Variants in PADI1 observed in about 807,000 individuals in gnomAD.
PADI1 encodes the protein peptidyl arginine deiminase 1.
Under a neutral mutation model 74.8 loss-of-function variants are expected in PADI1, and 65 were observed. That is an observed-to-expected ratio of 0.87 (90% CI 0.71 to 1.07). PADI1 has a LOEUF of 1.07. Among genes scored for constraint, PADI1 ranks in the 50% least tolerant of loss-of-function variants. PADI1 has a pLI of 0.00. For missense variants in PADI1, 943 were observed against 854.0 expected (o/e 1.10, Z -1.30); for synonymous variants, 371 against 336.2 (o/e 1.10, Z -1.13).
At position 17,237,185 on chromosome 1, in the gene PADI1, C is replaced by T. The variant is rs1400945118; in HGVS notation, c.1314-129C>T. ...TCTCTGCTGTCTTGGCTTCTCCACG[C>T]TCTACGCCCCACGTTTAAAGCGTTC... On this transcript the variant is annotated intron_variant, in intron 11 of 15. Coordinates refer to ENST00000375471, the MANE Select transcript of PADI1 (RefSeq NM_013358.3). 3 of 1,070,832 alleles carry T rather than the reference C, an allele frequency of 2.8e-6. No homozygotes were observed. In the East Asian group the frequency reaches 7.3e-5, roughly 26 times the overall value. 66.3% of individuals were successfully genotyped at this position (1,070,832 alleles called of 1,614,324 possible).
chr1:17,231,925 TA>T (rs957537656), intron 10 of PADI1, among the ~76,000 whole-genome samples: 1 of 145,118 alleles, frequency 6.9e-6, no homozygotes, highest in Non-Finnish European at 1.5e-5. Flanking sequence ...TTTCTCTTCC[TA>T]AAAAAAACAC....
chr1:17,221,227 C>T (rs114802760), intron 1 of PADI1, among the ~76,000 whole-genome samples: 3,065 of 152,274 alleles, frequency 0.02, 106 homozygotes, highest in African/African-American at 0.068. Context: ...CATTCATTCA[C>T]ACGTGTTTAT....
At position 17,209,977 on chromosome 1, in the gene PADI1, C is replaced by G. The variant is rs1355940681; in HGVS notation, c.92+4668C>G. ...GTGATTCTCCTGCACTCCTCTGCCC[C>G]CCAAGTAGCTGGGATTACAGTTATG... is the stretch of plus-strand genomic sequence containing the variant. On this transcript the variant is annotated intron_variant, in intron 1 of 15. Transcript: ENST00000375471. Among the ~76,000 whole-genome samples the G allele has an allele frequency of 8.5e-5, 13 of 152,088 alleles. No homozygotes were observed. The East Asian group carries it at 2.3e-3, about 27-fold the overall frequency.
chr1:17,205,972 T>G (rs998778094), intron 1 of PADI1, among the ~76,000 whole-genome samples: 1 of 152,224 alleles, frequency 6.6e-6, no homozygotes, highest in African/African-American at 2.4e-5. Flanking sequence ...TAGCATTTGC[T>G]TCTCCTGTTG....
At chr1:17,212,552 A>G (rs1157400806) in intron 1 of PADI1, among the ~76,000 whole-genome samples, 2 of 152,156 alleles carry the variant, frequency 1.3e-5, no homozygotes, top group Non-Finnish European at 2.9e-5. Context: ...CCTAGAGACC[A>G]GGTGGTACAT....
intron 12 of PADI1, 142 bp from the exon 13 acceptor site, chr1:17,238,474 C>A: frequency 2.4e-6 from 1 of 418,746 alleles, no homozygotes; most frequent in Non-Finnish European, 4.3e-6. Context: ...GAGTTGCAGA[C>A]AGTGCTTTGT....
chr1:17,232,943 G>A lies in PADI1; in HGVS notation c.1286G>A (p.Arg429Gln), dbSNP rs191318271. The A allele has an allele frequency of 8.4e-5, 136 of 1,609,692 alleles. No individual in the cohort carries two copies. The East Asian group carries it at 2.5e-3, about 29-fold the overall frequency. Residue 429 changes from arginine to glutamine, a missense_variant, in exon 11 of 16, where the codon CGG becomes CAG. Transcript: ENST00000375471. ...GGCGGCACGGAATACCCCCTGGGCCGGATCCTCATCGGGAGCAGCTTCCCC... is the reference window on the plus strand; with the variant it reads ...GGCGGCACGGAATACCCCCTGGGCCAGATCCTCATCGGGAGCAGCTTCCCC... ...TVGGTEYPLG[R>Q]ILIGSSFPKS...
intron 1 of PADI1, among the ~76,000 whole-genome samples, chr1:17,207,503 G>A (rs993114278): frequency 1.1e-4 from 16 of 152,220 alleles, no homozygotes; most frequent in African/African-American, 2.9e-4. Flanking sequence ...CCCTTGCGCC[G>A]TGGGTGCCCT....
chr1:17,225,961 G>T, intron 5 of PADI1, 33 bp downstream of exon 5: 1 of 1,612,002 alleles, frequency 6.2e-7, no homozygotes, highest in African/African-American at 1.3e-5. Flanking sequence ...TGGGGAGTGG[G>T]GAAGGGGGAT....
intron 11 of PADI1, among the ~76,000 whole-genome samples, chr1:17,235,501 C>T (rs2072620580): frequency 6.6e-6 from 1 of 152,134 alleles, no homozygotes; most frequent in Non-Finnish European, 1.5e-5. Flanking sequence ...GGACAGAGTT[C>T]AGGGAGAAAC....
chr1:17,210,144 TTTTTATTTTA>T (rs749851324), intron 1 of PADI1, among the ~76,000 whole-genome samples: 15 of 151,990 alleles, frequency 9.9e-5, no homozygotes, highest in Admixed American at 3.3e-4. Flanking sequence ...CCTGCCTAAG[TTTTTATTTTA>T]TTTTATTTTA....
chr1:17,242,324 C>T (rs185953585), intron 15 of PADI1, among the ~76,000 whole-genome samples: 25 of 152,334 alleles, frequency 1.6e-4, no homozygotes, highest in Admixed American at 1.6e-3. Context: ...TGTTCCATAT[C>T]GGTACAATAC....
rs2072188635 is a variant in PADI1, at chr1:17,222,577, C to T, written c.273+107C>T. Reference sequence around the variant, plus strand: ...TTCCAAAGCTCCCCACTTAACCAAACCTCACAAAGCTTATCACAGTACATA... The same window carrying T: ...TTCCAAAGCTCCCCACTTAACCAAATCTCACAAAGCTTATCACAGTACATA... On this transcript the variant is annotated intron_variant, in intron 2 of 15. Coordinates refer to ENST00000375471, the MANE Select transcript of PADI1 (RefSeq NM_013358.3). The T allele has an allele frequency of 9.5e-6, 8 of 843,714 alleles. No homozygotes were observed. The South Asian group carries it at 1.1e-4, about 11-fold the overall frequency. 52.3% of individuals were successfully genotyped at this position (843,714 alleles called of 1,614,324 possible). A position where few individuals can be genotyped will look rare whatever the true frequency, so the allele number is the denominator to read the frequency against.
chr1:17,214,991 C>T (rs757542557), intron 1 of PADI1, among the ~76,000 whole-genome samples: 6 of 152,198 alleles, frequency 3.9e-5, no homozygotes, highest in Admixed American at 6.5e-5. Context: ...GGGTACCTGC[C>T]GCTCTTCTGT....
At chr1:17,243,108 G>A (rs769963357) in intron 15 of PADI1, among the ~76,000 whole-genome samples, 41 of 152,274 alleles carry the variant, frequency 2.7e-4, no homozygotes, top group Middle Eastern at 3.4e-3. Context: ...GCCCAGAGCC[G>A]CCCTCTAGAG....
chr1:17,240,785 G>A (rs1447936764), intron 15 of PADI1, 25 bp downstream of exon 15: 1 of 1,609,738 alleles, frequency 6.2e-7, no homozygotes, highest in Admixed American at 1.7e-5. Flanking sequence ...GCAGGGTCCT[G>A]CTGGGGGGTC....
At chr1:17,240,516 G>T (rs2072752443) in intron 14 of PADI1, 119 bp from the exon 15 acceptor site, 8 of 1,108,556 alleles carry the variant, frequency 7.2e-6, no homozygotes, top group Non-Finnish European at 1.0e-5. Context: ...CAAAGCTGTT[G>T]TGAGGCTTGA....
chr1:17,210,908 C>A (rs966034146), intron 1 of PADI1, among the ~76,000 whole-genome samples: 3 of 152,210 alleles, frequency 2.0e-5, no homozygotes, highest in Non-Finnish European at 2.9e-5. Context: ...TTCCCCAGGG[C>A]CGTCTGCTCC....
Position 17,209,440 on chromosome 1 carries a change from G to A in PADI1, c.92+4131G>A, listed in dbSNP as rs116023131. ...GGGTTGTAAAAACTGGACTCAGAAT[G>A]GAAGAGGGTAGCATTCTTGAAACAT... is the stretch of plus-strand genomic sequence containing the variant. On this transcript the variant is annotated intron_variant, in intron 1 of 15. Transcript: ENST00000375471. Among the ~76,000 whole-genome samples, 337 of 152,328 alleles carry A rather than the reference G, an allele frequency of 2.2e-3. 1 individual carries two copies. The highest frequency in any genetic ancestry group is 7.9e-3 in the African/African-American group (327 of 41,568).
Sources: allele counts gnomAD v4.1 joint callset (sites outside exome capture counted in the v4.1 genomes callset), GRCh38; gene constraint gnomAD v4.1.1; transcripts MANE v1.5; gene names NCBI Gene and HGNC (gene_info 2026-07-23, HGNC 2026-07-21).